ARHGAP15: variants seen among roughly 807,000 people sequenced by gnomAD.
ARHGAP15 encodes rho GTPase-activating protein 15.
In ARHGAP15, 51 loss-of-function variants were observed where a neutral mutation model predicts 63.7. The observed-to-expected ratio is 0.80, with a 90% confidence interval of 0.64 to 1.01. ARHGAP15 has a LOEUF of 1.01. ARHGAP15 is among the 50% of genes least tolerant of loss of function. The pLI, the probability that ARHGAP15 is intolerant of heterozygous loss-of-function variation, is 0.00. For synonymous variants in ARHGAP15, 191 were observed against 193.8 expected (o/e 0.99, Z 0.12); for missense variants, 560 against 564.6 (o/e 0.99, Z 0.08).
At chr2:143,666,897 A>G (rs1169884165) in intron 12 of ARHGAP15, among the ~76,000 whole-genome samples, 79 of 147,040 alleles carry the variant, frequency 5.4e-4, no homozygotes, top group East Asian at 4.1e-3. Flanking sequence ...TTAGAATGGC[A>G]ATCATTAAAA....
intron 6 of ARHGAP15, among the ~76,000 whole-genome samples, chr2:143,413,525 C>A (rs1688533606): frequency 6.6e-6 from 1 of 152,164 alleles, no homozygotes; most frequent in Non-Finnish European, 1.5e-5. Flanking sequence ...CAATCAATAA[C>A]AGCTGTAATA....
chr2:143,734,456 G>A (rs764915943), intron 13 of ARHGAP15, among the ~76,000 whole-genome samples: 1 of 152,098 alleles, frequency 6.6e-6, no homozygotes, highest in Non-Finnish European at 1.5e-5. Context: ...CAAAACCCAC[G>A]CTAAAAATCC....
intron 2 of ARHGAP15, among the ~76,000 whole-genome samples, chr2:143,170,198 A>T (rs1412557711): frequency 1.3e-5 from 2 of 152,082 alleles, no homozygotes; most frequent in Non-Finnish European, 2.9e-5. Context: ...TCTGATTCTT[A>T]GGGAAAATCA....
At chr2:143,202,488 C>T (rs1237510728) in intron 3 of ARHGAP15, among the ~76,000 whole-genome samples, 1 of 152,072 alleles carries the variant, frequency 6.6e-6, no homozygotes, top group Non-Finnish European at 1.5e-5. Context: ...TGGCCAAAGG[C>T]TGCCCTTATT....
At chr2:143,704,008 GAA>G (rs111878424) in intron 13 of ARHGAP15, 38 of 135,608 alleles carry the variant, frequency 2.8e-4, no homozygotes, top group East Asian at 4.3e-4. Context: ...AGTCTTCCAG[GAA>G]AAAAAAAAAA....
intron 6 of ARHGAP15, among the ~76,000 whole-genome samples, chr2:143,376,295 G>A (rs1212934816): frequency 6.6e-6 from 1 of 152,206 alleles, no homozygotes; most frequent in East Asian, 1.9e-4. Flanking sequence ...GCCAGAGCAT[G>A]CTATGTAATT....
At chr2:143,423,986 T>C (rs1689040329) in intron 6 of ARHGAP15, among the ~76,000 whole-genome samples, 1 of 151,986 alleles carries the variant, frequency 6.6e-6, no homozygotes, top group Non-Finnish European at 1.5e-5. Flanking sequence ...ATAATTGAGG[T>C]TTTATCCTTG....
chr2:143,534,276 C>T lies in ARHGAP15; in HGVS notation c.925+14912C>T, dbSNP rs1302610803. Among the ~76,000 whole-genome samples, 3 of 152,324 alleles carry T rather than the reference C, an allele frequency of 2.0e-5. No individual in the cohort carries two copies. The East Asian group carries it at 5.8e-4, about 29-fold the overall frequency. On this transcript the variant is annotated intron_variant, in intron 10 of 13. Transcript: ENST00000295095. ...CCTTGCTTCCCCTTCGCCTTCCACC[C>T]TTACTGTAAGTCTTCCGAGGCCTCT... is the stretch of plus-strand genomic sequence containing the variant.
intron 2 of ARHGAP15, 128 bp downstream of exon 2, chr2:143,155,783 C>A: frequency 1.1e-6 from 1 of 916,630 alleles, no homozygotes; most frequent in Non-Finnish European, 1.6e-6. Flanking sequence ...TTTTGTAATG[C>A]ATTTTATCTT....
At chr2:143,184,679 T>C (rs1691369142) in intron 2 of ARHGAP15, among the ~76,000 whole-genome samples, 2 of 151,998 alleles carry the variant, frequency 1.3e-5, no homozygotes, top group South Asian at 4.1e-4. Context: ...ACAGTCCTTT[T>C]CTTGCTGTTG....
chr2:143,384,337 C>T (rs866458631), intron 6 of ARHGAP15, among the ~76,000 whole-genome samples: 13 of 151,886 alleles, frequency 8.6e-5, no homozygotes, highest in Non-Finnish European at 1.9e-4. Context: ...GAGAAAAAGA[C>T]GATGCAAATT....
intron 11 of ARHGAP15, among the ~76,000 whole-genome samples, chr2:143,606,329 A>T (rs1487669179): frequency 6.6e-6 from 1 of 152,118 alleles, no homozygotes; most frequent in Non-Finnish European, 1.5e-5. Context: ...AAATGTGGAG[A>T]ATATGAACTA....
chr2:143,196,779 GA>G (rs1691899993), intron 2 of ARHGAP15, among the ~76,000 whole-genome samples: 1 of 151,852 alleles, frequency 6.6e-6, no homozygotes, highest in African/African-American at 2.4e-5. Flanking sequence ...ATTCTGTTTA[GA>G]GGGGGGACCT....
At chr2:143,199,065 C>A (rs537290770) in intron 2 of ARHGAP15, among the ~76,000 whole-genome samples, 1 of 151,944 alleles carries the variant, frequency 6.6e-6, no homozygotes, top group Non-Finnish European at 1.5e-5. Context: ...AAATGTATAG[C>A]AAGATAAAAT....
intron 11 of ARHGAP15, among the ~76,000 whole-genome samples, chr2:143,571,564 T>G (rs1696454377): frequency 6.6e-6 from 1 of 152,180 alleles, no homozygotes; most frequent in African/African-American, 2.4e-5. Context: ...TCTCCTAACA[T>G]CCATGGGATT....
At chr2:143,249,188 A>T (rs1487348047) in intron 5 of ARHGAP15, among the ~76,000 whole-genome samples, 1 of 152,154 alleles carries the variant, frequency 6.6e-6, no homozygotes, top group Non-Finnish European at 1.5e-5. Flanking sequence ...GAGGTTACTA[A>T]ATAACAACAA....
At chr2:143,693,226 A>T (rs1683691234) in intron 12 of ARHGAP15, among the ~76,000 whole-genome samples, 1 of 152,198 alleles carries the variant, frequency 6.6e-6, no homozygotes, top group Admixed American at 6.5e-5. Flanking sequence ...TTTTAAACAC[A>T]CAAAGCAATG....
At chr2:143,639,516 C>T (rs1416203239) in intron 12 of ARHGAP15, among the ~76,000 whole-genome samples, 1 of 152,032 alleles carries the variant, frequency 6.6e-6, no homozygotes, top group Non-Finnish European at 1.5e-5. Flanking sequence ...GGAATGTTAG[C>T]TAAGAGCACC....
intron 13 of ARHGAP15, among the ~76,000 whole-genome samples, chr2:143,706,218 C>T (rs191012156): frequency 4.6e-5 from 7 of 152,066 alleles, no homozygotes; most frequent in Admixed American, 1.3e-4. Context: ...AACAGCCAAT[C>T]GTGGCGTGTC....
Sources: gnomAD v4.1 joint callset for allele counts (sites outside exome capture counted in the v4.1 genomes callset) on GRCh38, gnomAD v4.1.1 for gene constraint, MANE v1.5 for transcripts, NCBI Gene and HGNC (gene_info 2026-07-23, HGNC 2026-07-21) for gene names.